Variants in SULF2 observed in about 807,000 individuals in gnomAD.
The protein encoded by SULF2 is extracellular sulfatase Sulf-2.
In SULF2, 52 loss-of-function variants were observed where a neutral mutation model predicts 107.7. The observed-to-expected ratio is 0.48, with a 90% CI of 0.39 to 0.61. The LOEUF (loss-of-function observed/expected upper bound fraction) is 0.61, where lower values mean the gene tolerates loss of function less well. Among genes scored for constraint, SULF2 ranks in the 20% least tolerant of loss-of-function variants. SULF2 has a pLI of 0.00. For missense variants in SULF2, 993 were observed against 1,177.3 expected, an observed-to-expected ratio of 0.84 and a Z score of 2.29; for synonymous variants, 460 against 464.3, an observed-to-expected ratio of 0.99 and a Z score of 0.12.
In SULF2 at chr20:47,663,585, G is replaced by C. The variant is rs747450277; in HGVS notation, c.2095C>G (p.Arg699Gly). 6.2e-7 allele frequency: 1 copy of C among 1,607,656 alleles called. No individual in the cohort carries two copies. Among genetic ancestry groups the C allele is most frequent in the East Asian group, 2.2e-5 (1 of 44,820 alleles). Reference protein sequence around the residue: ...LQEKDKVWLLREQKRKKKLRK... With the variant: ...LQEKDKVWLLGEQKRKKKLRK... ...AGTTTCTTCTTGCGCTTCTGCTCCC[G>C]CAACAGCCACACCTTGTCCTTCTCT... The change falls in exon 16 of 21, where the codon CGG becomes GGG. Residue 699 changes from arginine (R) to glycine (G), a missense_variant. Physicochemically the swap from Arg to Gly is moderately radical, Grantham distance 125. Around this residue, in one of 3 missense-constraint regions of SULF2, gnomAD observed 497 missense variants for 544.1 expected, o/e 0.91. Transcript: ENST00000688720.
chr20:47,757,423 T>G lies in SULF2; in HGVS notation c.-60A>C. 1 of 1,497,576 alleles carries G rather than the reference T, an allele frequency of 6.7e-7. No homozygotes were observed. Among genetic ancestry groups the G allele is most frequent in the Non-Finnish European group, 9.0e-7 (1 of 1,114,030 alleles). The allele number at this position is 1,497,576 out of a possible 1,614,324, so 92.8% of individuals were successfully genotyped here. On this transcript the variant is annotated 5_prime_UTR_variant, in exon 2 of 21. Coordinates refer to ENST00000688720, the MANE Select transcript of SULF2 (RefSeq NM_001387048.1). ...ATGCGGGAGTCTCAAGTTGCGTCTG[T>G]GGCTTTGTTTCTTTTCCCTCGTCCC...
At chr20:47,722,975 G>A (rs912536746) in intron 3 of SULF2, among the ~76,000 whole-genome samples, 1 of 152,176 alleles carries the variant, frequency 6.6e-6, no homozygotes, top group Non-Finnish European at 1.5e-5. Context: ...GCTGAGGCAG[G>A]AGAATCGCTT....
At chr20:47,770,883 T>C (rs2090616910) in intron 1 of SULF2, among the ~76,000 whole-genome samples, 1 of 152,164 alleles carries the variant, frequency 6.6e-6, no homozygotes, top group Admixed American at 6.5e-5. Flanking sequence ...GTCCCAGTGA[T>C]CCAGGGGGAG....
At chr20:47,731,404 G>T (rs1389827552) in intron 3 of SULF2, among the ~76,000 whole-genome samples, 3 of 151,764 alleles carry the variant, frequency 2.0e-5, no homozygotes, top group South Asian at 4.2e-4. Flanking sequence ...TGTTGGTCAG[G>T]CTGGTCTTGA....
At chr20:47,676,984 C>T (rs936913817) in intron 9 of SULF2, 94 bp downstream of exon 9, 1 of 1,382,964 alleles carries the variant, frequency 7.2e-7, no homozygotes, top group African/African-American at 1.4e-5. Context: ...CCATGGGCAG[C>T]TCCTGAATAG....
At chr20:47,776,707 A>G (rs114909038) in intron 1 of SULF2, among the ~76,000 whole-genome samples, 2,939 of 152,284 alleles carry the variant, frequency 0.019, 109 homozygotes, top group African/African-American at 0.068. Flanking sequence ...GGAGGGTTCC[A>G]CCAGCCCTTC....
At chr20:47,668,139 G>A (rs974861538) in intron 11 of SULF2, among the ~76,000 whole-genome samples, 3 of 152,160 alleles carry the variant, frequency 2.0e-5, no homozygotes, top group Non-Finnish European at 2.9e-5. Flanking sequence ...TAGACCCAGC[G>A]TGTCCTCTCC....
chr20:47,764,406 C>G (rs1031525581), intron 1 of SULF2, among the ~76,000 whole-genome samples: 1 of 149,198 alleles, frequency 6.7e-6, no homozygotes, highest in African/African-American at 2.5e-5. Context: ...TGGTAACAGC[C>G]CCTGTTAGTG....
intron 2 of SULF2, among the ~76,000 whole-genome samples, chr20:47,755,023 G>C (rs1278724752): frequency 5.8e-5 from 1 of 17,114 alleles, no homozygotes; most frequent in East Asian, 1.2e-3. Flanking sequence ...TTGTTAAGAC[G>C]GGGGGGGTCT....
chr20:47,683,122 G>C lies in SULF2; in HGVS notation c.936C>G (p.Ile312Met), dbSNP rs779478106. 1.6e-4 allele frequency: 264 copies of C among 1,612,936 alleles called. No homozygotes were observed. The highest frequency in any genetic ancestry group is 2.2e-4 in the Non-Finnish European group (255 of 1,179,432). ...GGTAACCGTGGTCGGCGGTGTATAC[G>C]ATGTACGTGTTGTCCAGCTCGCCCG... is the stretch of plus-strand genomic sequence containing the variant. The part of the protein sequence containing the change: ...VETGELDNTY[I>M]VYTADHGYHI... The change falls in exon 7 of 21, where the codon ATC becomes ATG. Residue 312 changes from isoleucine to methionine, a missense_variant. Ile to Met is a conservative substitution (Grantham distance 10). Transcript: ENST00000688720.
chr20:47,689,220 A>T (rs886089378), intron 5 of SULF2, among the ~76,000 whole-genome samples: 1 of 152,178 alleles, frequency 6.6e-6, no homozygotes, highest in African/African-American at 2.4e-5. Context: ...ATGGCCCTTG[A>T]TAATCTCTAC....
Position 47,665,217 on chromosome 20 carries a change from C to A in SULF2, c.1979G>T (p.Cys660Phe). The change falls in exon 14 of 21, where the codon TGT (cysteine) becomes TTT (phenylalanine). Residue 660 changes from cysteine to phenylalanine, a missense_variant. Transcript: ENST00000688720. ...GCCTCACCTGATTTTGTGACAGTCA[C>A]ATTCTTCTGGCCGCTTTTTCTTCAG... is the stretch of plus-strand genomic sequence containing the variant. ...GHLKKKRPEE[C>F]DCHKISYHTQ... The A allele has an allele frequency of 6.2e-7, 1 of 1,613,850 alleles. No homozygotes were observed. Among genetic ancestry groups the A allele is most frequent in the Admixed American group, 1.7e-5 (1 of 60,028 alleles).
chr20:47,693,761 G>A (rs186674899), intron 4 of SULF2, among the ~76,000 whole-genome samples: 110 of 152,346 alleles, frequency 7.2e-4, no homozygotes, highest in Non-Finnish European at 2.5e-4. Context: ...TCCAGGGGAG[G>A]GCTCAGGCCG....
Position 47,678,507 on chromosome 20 carries a change from G to A in SULF2, c.1193+169C>T. On this transcript the variant is annotated intron_variant, in intron 8 of 20. Transcript: ENST00000688720. The surrounding 1 kb of genome is among the most constrained non-coding windows in gnomAD (Gnocchi z 4.5). ...AGATGGGAAGACAGAATCTCGGAGA[G>A]GGGACCATGCTTCTCTCCCACAGCA... 1 of 832,328 alleles carries A rather than the reference G, an allele frequency of 1.2e-6. No homozygotes were observed. Among genetic ancestry groups the A allele is most frequent in the African/African-American group, 1.8e-5 (1 of 56,666 alleles). The allele number at this position is 832,328 out of a possible 1,614,324, so 51.6% of individuals were successfully genotyped here.
At chr20:47,664,329 G>C in intron 14 of SULF2, 140 bp from the exon 15 acceptor site, 1 of 793,036 alleles carries the variant, frequency 1.3e-6, no homozygotes, top group East Asian at 2.7e-5. Context: ...TGGTGGGTAG[G>C]GCATGACCCT....
chr20:47,681,727 G>A (rs1049624487), intron 7 of SULF2, among the ~76,000 whole-genome samples: 3 of 152,136 alleles, frequency 2.0e-5, no homozygotes, highest in Non-Finnish European at 2.9e-5. Context: ...TCACTGTGTC[G>A]CCCAGACGAG....
chr20:47,775,791 C>G (rs1452589096), intron 1 of SULF2, among the ~76,000 whole-genome samples: 1 of 152,164 alleles, frequency 6.6e-6, no homozygotes, highest in African/African-American at 2.4e-5. Flanking sequence ...TGATATTAGT[C>G]CCTGCTTCAA....
chr20:47,736,707 C>T lies in SULF2; in HGVS notation c.411G>A (p.Arg137=), dbSNP rs777419538. 3.1e-6 allele frequency: 5 copies of T among 1,614,184 alleles called. No homozygotes were observed. The South Asian group carries it at 4.4e-5, about 14-fold the overall frequency. Residue 137 remains arginine (R), a synonymous_variant, in exon 3 of 21, where the codon CGG becomes CGA. Transcript: ENST00000688720. ...CCTGCCCCCGTCCCTGCTCACCTGTCCGGTAGCCAGTGCTATTGAGGTACA... is the reference window on the plus strand; with the variant it reads ...CCTGCCCCCGTCCCTGCTCACCTGTTCGGTAGCCAGTGCTATTGAGGTACA... ...FAVYLNSTGY[R]TAFFGKYLNE...
intron 2 of SULF2, among the ~76,000 whole-genome samples, chr20:47,741,051 C>G (rs2089866830): frequency 6.6e-6 from 1 of 152,176 alleles, no homozygotes; most frequent in South Asian, 2.1e-4. Context: ...GCCACCTCCC[C>G]CGTGGGTCAG....
Sources: gnomAD v4.1 joint callset for allele counts (sites outside exome capture counted in the v4.1 genomes callset) on GRCh38, gnomAD v4.1.1 for gene constraint, gnomAD v4.1.1 regional missense constraint, Gnocchi (gnomAD v3.1) non-coding constraint, MANE v1.5 for transcripts, NCBI Gene and HGNC (gene_info 2026-07-23, HGNC 2026-07-21) for gene names.